Variants in MEX3A observed in about 807,000 individuals in gnomAD.
MEX3A encodes the protein RNA-binding protein MEX3A.
In MEX3A, 4 loss-of-function variants were observed where a neutral mutation model predicts 30.0. That is an observed-to-expected ratio of 0.13 (90% CI 0.07 to 0.30). MEX3A has a LOEUF of 0.30. Ranked by LOEUF, MEX3A falls within the 10% of genes least tolerant of loss-of-function variation. The pLI is 1.00. For missense variants in MEX3A, 555 were observed against 736.7 expected, an observed-to-expected ratio of 0.75 and a Z score of 2.86; for synonymous variants, 335 against 327.6, an observed-to-expected ratio of 1.02 and a Z score of -0.24.
Position 156,076,948 on chromosome 1 carries a change from T to C in MEX3A, c.1189A>G (p.Asn397Asp), listed in dbSNP as rs768768220. The C allele has an allele frequency of 6.2e-7, 1 of 1,607,180 alleles. No individual in the cohort carries two copies. The highest frequency in any genetic ancestry group is 8.5e-7 in the Non-Finnish European group (1 of 1,176,854). Residue 397 changes from asparagine (N) to aspartate (D), a missense_variant, in exon 2 of 2, where the codon AAC becomes GAC. Coordinates refer to ENST00000532414, the MANE Select transcript of MEX3A (RefSeq NM_001093725.2). The surrounding 1 kb of genome is among the most constrained non-coding windows in gnomAD (Gnocchi z 6.0). ...AAGAGCACGGAGGTGGGCGTGGCGT[T>C]CTCCTGGCCCGCCCACAGCGGGGGG... Reference protein sequence around the residue: ...TSPPLWAGQENATPTSVLFSS... With the variant: ...TSPPLWAGQEDATPTSVLFSS...
Position 156,081,830 on chromosome 1 carries a change from TG to T in MEX3A, c.168del (p.Thr57ArgfsTer70). 8.1e-7 allele frequency: 1 copy of T among 1,229,938 alleles called. No homozygotes were observed. The highest frequency in any genetic ancestry group is 1.1e-6 in the Non-Finnish European group (1 of 948,486). 76.2% of individuals were successfully genotyped at this position (1,229,938 alleles called of 1,614,324 possible). A position where few individuals can be genotyped will look rare whatever the true frequency, so the allele number is the denominator to read the frequency against. On this transcript the variant is annotated frameshift_variant, in exon 1 of 2. Coordinates refer to ENST00000532414, the MANE Select transcript of MEX3A (RefSeq NM_001093725.2). LOFTEE classifies it high-confidence loss of function. ...CLLGLGEPPA[P>X]TAGEDGGGGG... ...CCACCTCCCCCGTCCTCGCCCGCCG[TG>T]GGGGCGGGGGGCTCCCCCAAACCCA...
At position 156,077,134 on chromosome 1, in the gene MEX3A, G is replaced by C. The variant is rs1369216376; in HGVS notation, c.1003C>G (p.Arg335Gly). The change falls in exon 2 of 2, where the codon CGG (arginine) becomes GGG (glycine). Residue 335 changes from arginine (R) to glycine (G), a missense_variant. This residue lies in a region of MEX3A where 281 missense variants were observed against 265.1 expected (regional missense o/e 1.06). Transcript: ENST00000532414. The surrounding 1 kb of genome is among the most constrained non-coding windows in gnomAD (Gnocchi z 8.3). ...CCGATGCAGCCCAGGCTGTTCTGCC[G>C]GAAGGTGGAGAGGGGCTTGCAGCCG... ...QPGCKPLSTF[R>G]QNSLGCIGEC... The C allele has an allele frequency of 4.3e-6, 7 of 1,613,636 alleles. No homozygotes were observed. The highest frequency in any genetic ancestry group is 5.9e-6 in the Non-Finnish European group (7 of 1,179,840).
At position 156,073,802 on chromosome 1, in the gene MEX3A, G is replaced by C. The variant is rs866637357; in HGVS notation, c.*2772C>G. 1 of 152,550 alleles carries C rather than the reference G, an allele frequency of 6.6e-6. No homozygotes were observed. The highest frequency in any genetic ancestry group is 1.5e-5 in the Non-Finnish European group (1 of 67,998). The allele number at this position is 152,550 out of a possible 1,614,324, so 9.4% of individuals were successfully genotyped here. A position where few individuals can be genotyped will look rare whatever the true frequency, so the allele number is the denominator to read the frequency against. The stretch of plus-strand genomic sequence containing the variant: ...CTGAGGGTTCCTATAGGCCTGCTAG[G>C]CCTTAATTCTGGATTCCCCCTCCTC... On this transcript the variant is annotated 3_prime_UTR_variant, in exon 2 of 2. Coordinates refer to ENST00000532414, the MANE Select transcript of MEX3A (RefSeq NM_001093725.2).
At position 156,076,553 on chromosome 1, in the gene MEX3A, C is replaced by T. The variant is rs1648068404; in HGVS notation, c.*21G>A. The stretch of plus-strand genomic sequence containing the variant: ...AGGGTGGGCCCAGTGGAGTGGGCCC[C>T]GGAGGCATGGGGCACGGGGCTTAGG... On this transcript the variant is annotated 3_prime_UTR_variant, in exon 2 of 2. Coordinates refer to ENST00000532414, the MANE Select transcript of MEX3A (RefSeq NM_001093725.2). This position sits in a 1 kb window ranked among gnomAD's most constrained non-coding sequence, Gnocchi z 6.0. 3.1e-6 allele frequency: 5 copies of T among 1,595,302 alleles called. No individual in the cohort carries two copies. Among genetic ancestry groups the T allele is most frequent in the Admixed American group, 1.7e-5 (1 of 58,904 alleles).
Position 156,076,968 on chromosome 1 carries a change from G to C in MEX3A, c.1169C>G (p.Pro390Arg). The part of the protein sequence containing the change: ...VYYGVAETSP[P>R]LWAGQENATP... The stretch of plus-strand genomic sequence containing the variant: ...GGCGTTCTCCTGGCCCGCCCACAGC[G>C]GGGGGCTAGTCTCGGCCACGCCGTA... The change falls in exon 2 of 2, where the codon CCG (proline) becomes CGG (arginine). Residue 390 changes from proline (P) to arginine (R), a missense_variant. Around this residue, in one of 6 missense-constraint regions of MEX3A, gnomAD observed 281 missense variants for 265.1 expected, o/e 1.06. Coordinates refer to ENST00000532414, the MANE Select transcript of MEX3A (RefSeq NM_001093725.2). The surrounding 1 kb of genome is among the most constrained non-coding windows in gnomAD (Gnocchi z 6.0). 1 of 1,611,610 alleles carries C rather than the reference G, an allele frequency of 6.2e-7. No homozygotes were observed. Among genetic ancestry groups the C allele is most frequent in the Non-Finnish European group, 8.5e-7 (1 of 1,179,014 alleles).
In MEX3A at chr1:156,077,633, T is replaced by C. The variant is rs771746991; in HGVS notation, c.504A>G (p.Thr168=). 8.7e-6 allele frequency: 14 copies of C among 1,605,968 alleles called. No individual in the cohort carries two copies. The highest frequency in any genetic ancestry group is 1.1e-5 in the Non-Finnish European group (13 of 1,179,190). ...LRAKTNTYIK[T]PVRGEEPVFM... ...ACACTGGTTCCTCGCCCCTCACCGG[T>C]GTCTTGATGTAGGTGTTGGTCTTGG... Residue 168 remains threonine, a synonymous_variant, in exon 2 of 2, where the codon ACA becomes ACG. Transcript: ENST00000532414. This position sits in a 1 kb window ranked among gnomAD's most constrained non-coding sequence, Gnocchi z 8.3.
At position 156,082,017 on chromosome 1, in the gene MEX3A, GGAGAGAGAGAGGGAGA is replaced by G; in HGVS notation, c.-35_-20del. On this transcript the variant is annotated 5_prime_UTR_variant, in exon 1 of 2. Coordinates refer to ENST00000532414, the MANE Select transcript of MEX3A (RefSeq NM_001093725.2). ...TAGGCATGGCGAAACAAAAGCTGGGGGAGAGAGAGAGGGAGAGAGAGAGAGAGAGGTGGTGGAAGGG... is the reference window on the plus strand; with the variant it reads ...TAGGCATGGCGAAACAAAAGCTGGGGGAGAGAGAGAGAGGTGGTGGAAGGG... 7.0e-7 allele frequency: 1 copy of G among 1,430,072 alleles called. No homozygotes were observed. The highest frequency in any genetic ancestry group is 3.2e-5 in the East Asian group (1 of 31,108). 88.6% of individuals were successfully genotyped at this position (1,430,072 alleles called of 1,614,324 possible). A position where few individuals can be genotyped will look rare whatever the true frequency, so the allele number is the denominator to read the frequency against.
chr1:156,077,710 C>G lies in MEX3A; in HGVS notation c.455-28G>C. 6.5e-7 allele frequency: 1 copy of G among 1,543,570 alleles called. No homozygotes were observed. On this transcript the variant is annotated intron_variant, in intron 1 of 1. Coordinates refer to ENST00000532414, the MANE Select transcript of MEX3A (RefSeq NM_001093725.2). The surrounding 1 kb of genome is among the most constrained non-coding windows in gnomAD (Gnocchi z 8.3). ...GGGATAGGGCGGGGAAGGAGAGAGA[C>G]AAAGAAACGCACACAGCAAGGTTTG...
chr1:156,079,981 G>A (rs1648174521), intron 1 of MEX3A, among the ~76,000 whole-genome samples: 1 of 152,178 alleles, frequency 6.6e-6, no homozygotes, highest in South Asian at 2.1e-4. Flanking sequence ...TAACACTGCA[G>A]CAGGAGGAGG....
rs1384867473 is a variant in MEX3A, at chr1:156,076,631, G to T, written c.1506C>A (p.Asp502Glu). ...ECAVRICERT[D>E]PECPVCHITA... ...TGATGTGGCAGACGGGACACTCTGGGTCCGTCCTCTCGCAGATGCGTACTG... is the reference window on the plus strand; with the variant it reads ...TGATGTGGCAGACGGGACACTCTGGTTCCGTCCTCTCGCAGATGCGTACTG... Residue 502 changes from aspartate (D) to glutamate (E), a missense_variant, in exon 2 of 2, where the codon GAC becomes GAA. Physicochemically the swap from Asp to Glu is conservative, Grantham distance 45. Around this residue, in one of 6 missense-constraint regions of MEX3A, gnomAD observed 15 missense variants for 59.4 expected, o/e 0.25. Coordinates refer to ENST00000532414, the MANE Select transcript of MEX3A (RefSeq NM_001093725.2). This position sits in a 1 kb window ranked among gnomAD's most constrained non-coding sequence, Gnocchi z 6.0. 1.9e-6 allele frequency: 3 copies of T among 1,613,908 alleles called. No individual in the cohort carries two copies. Among genetic ancestry groups the T allele is most frequent in the Admixed American group, 3.3e-5 (2 of 60,028 alleles).
Position 156,081,807 on chromosome 1 carries a change from A to C in MEX3A, c.192T>G (p.Gly64=), listed in dbSNP as rs1010762650. The change falls in exon 1 of 2, where the codon GGT becomes GGG. Residue 64 remains glycine, a synonymous_variant. Transcript: ENST00000532414. ...GCTGCGCGGGGGCGCCGCCCCCCCC[A>C]CCTCCCCCGTCCTCGCCCGCCGTGG... ...PAPTAGEDGG[G]GGGGAPAQPA... 193 of 848,070 alleles carry C rather than the reference A, an allele frequency of 2.3e-4. No homozygotes were observed. Among genetic ancestry groups the C allele is most frequent in the East Asian group, 5.8e-4 (8 of 13,730 alleles). 52.5% of individuals were successfully genotyped at this position (848,070 alleles called of 1,614,324 possible).
chr1:156,076,587 C>T lies in MEX3A; in HGVS notation c.1550G>A (p.Arg517Gln). 1 of 1,611,742 alleles carries T rather than the reference C, an allele frequency of 6.2e-7. No individual in the cohort carries two copies. Among genetic ancestry groups the T allele is most frequent in the Non-Finnish European group, 8.5e-7 (1 of 1,178,378 alleles). Residue 517 changes from arginine (R) to glutamine (Q), a missense_variant, in exon 2 of 2, where the codon CGA (arginine) becomes CAA (glutamine). Physicochemically the swap from Arg to Gln is conservative, Grantham distance 43 (BLOSUM62 1). Around this residue, in one of 6 missense-constraint regions of MEX3A, gnomAD observed 15 missense variants for 59.4 expected, o/e 0.25. Transcript: ENST00000532414. The surrounding 1 kb of genome is among the most constrained non-coding windows in gnomAD (Gnocchi z 6.0). The stretch of plus-strand genomic sequence containing the variant: ...GGGGCACGGGGCTTAGGAGAATATT[C>T]GGATGGCTTGCGTGGCTGTGATGTG... ...VCHITATQAI[R>Q]IFS
At position 156,076,387 on chromosome 1, in the gene MEX3A, C is replaced by T; in HGVS notation, c.*187G>A. 1.7e-6 allele frequency: 1 copy of T among 589,484 alleles called. No homozygotes were observed. Among genetic ancestry groups the T allele is most frequent in the Non-Finnish European group, 2.9e-6 (1 of 347,820 alleles). 36.5% of individuals were successfully genotyped at this position (589,484 alleles called of 1,614,324 possible). A position where few individuals can be genotyped will look rare whatever the true frequency, so the allele number is the denominator to read the frequency against. ...TGGCCCCCTCCCAATCTTTCCAGGA[C>T]AGGGTGACCAGAGGCTCTGAAAGTG... On this transcript the variant is annotated 3_prime_UTR_variant, in exon 2 of 2. Transcript: ENST00000532414. This position sits in a 1 kb window ranked among gnomAD's most constrained non-coding sequence, Gnocchi z 6.0.
chr1:156,079,467 C>T (rs1388018895), intron 1 of MEX3A, among the ~76,000 whole-genome samples: 1 of 152,058 alleles, frequency 6.6e-6, no homozygotes, highest in Admixed American at 6.5e-5. Context: ...CCACCCGCCT[C>T]GGCCTCCCAA....
rs564060182 is a variant in MEX3A, at chr1:156,073,093, G to C, written c.*3481C>G. The C allele has an allele frequency of 5.2e-5, 8 of 152,730 alleles. No homozygotes were observed. Among genetic ancestry groups the C allele is most frequent in the Admixed American group, 4.6e-4 (7 of 15,304 alleles). The allele number at this position is 152,730 out of a possible 1,614,324, so 9.5% of individuals were successfully genotyped here. ...GTCTGTTTGTGGAATGACTTCCCAGGCTCTTAAATCAATCTGTAGAGAAGT... is the reference window on the plus strand; with the variant it reads ...GTCTGTTTGTGGAATGACTTCCCAGCCTCTTAAATCAATCTGTAGAGAAGT... On this transcript the variant is annotated 3_prime_UTR_variant, in exon 2 of 2. Transcript: ENST00000532414.
In MEX3A at chr1:156,075,306, G is replaced by C. The variant is rs1648025438; in HGVS notation, c.*1268C>G. 1 of 152,332 alleles carries C rather than the reference G, an allele frequency of 6.6e-6. No individual in the cohort carries two copies. Among genetic ancestry groups the C allele is most frequent in the African/African-American group, 2.4e-5 (1 of 41,422 alleles). The allele number at this position is 152,332 out of a possible 1,614,324, so 9.4% of individuals were successfully genotyped here. On this transcript the variant is annotated 3_prime_UTR_variant, in exon 2 of 2. Transcript: ENST00000532414. ...ATAAAGGTTCAGGTCAGGTTGAGAGGGGTGCAGGGAGTCGGGCACTGCATG... is the reference window on the plus strand; with the variant it reads ...ATAAAGGTTCAGGTCAGGTTGAGAGCGGTGCAGGGAGTCGGGCACTGCATG...
In MEX3A at chr1:156,077,651, G is replaced by A; in HGVS notation, c.486C>T (p.Thr162=). The change falls in exon 2 of 2, where the codon ACC becomes ACT. Residue 162 remains threonine (T), a synonymous_variant. Transcript: ENST00000532414. This position sits in a 1 kb window ranked among gnomAD's most constrained non-coding sequence, Gnocchi z 8.3. ...GCKIKALRAK[T]NTYIKTPVRG... is the part of the protein sequence containing the mutation. ...TCACCGGTGTCTTGATGTAGGTGTT[G>A]GTCTTGGCCCTCAAGGCCTTAATCT... is the stretch of plus-strand genomic sequence containing the variant. 1 of 1,600,212 alleles carries A rather than the reference G, an allele frequency of 6.2e-7. No individual in the cohort carries two copies. Among genetic ancestry groups the A allele is most frequent in the East Asian group, 2.2e-5 (1 of 44,782 alleles).
rs1247996352 is a variant in MEX3A at position 156,073,002 on chromosome 1, G to A, written c.*3572C>T. On this transcript the variant is annotated 3_prime_UTR_variant, in exon 2 of 2. Coordinates refer to ENST00000532414, the MANE Select transcript of MEX3A (RefSeq NM_001093725.2). ...CTAAGTGGAAAGCTGGATGGGAACAGGGGTAGGGGACTGATCGCCTCAGTG... is the reference window on the plus strand; with the variant it reads ...CTAAGTGGAAAGCTGGATGGGAACAAGGGTAGGGGACTGATCGCCTCAGTG... The A allele has an allele frequency of 1.3e-5, 2 of 152,442 alleles. No homozygotes were observed. The highest frequency in any genetic ancestry group is 4.1e-4 in the South Asian group (2 of 4,832). The allele number at this position is 152,442 out of a possible 1,614,324, so 9.4% of individuals were successfully genotyped here.
rs1359217725 is a variant in MEX3A, at chr1:156,074,332, C to T, written c.*2242G>A. Reference sequence around the variant, plus strand: ...AAAAGTCTTTTTTTTTCATATTAGCCCAGGTTCTTTGCTACATTTATATGG... The same window carrying T: ...AAAAGTCTTTTTTTTTCATATTAGCTCAGGTTCTTTGCTACATTTATATGG... On this transcript the variant is annotated 3_prime_UTR_variant, in exon 2 of 2. Coordinates refer to ENST00000532414, the MANE Select transcript of MEX3A (RefSeq NM_001093725.2). The T allele has an allele frequency of 6.6e-6, 1 of 150,834 alleles. No individual in the cohort carries two copies. Among genetic ancestry groups the T allele is most frequent in the Non-Finnish European group, 1.5e-5 (1 of 67,720 alleles). 9.3% of individuals were successfully genotyped at this position (150,834 alleles called of 1,614,324 possible).
Sources: gnomAD v4.1 joint callset for allele counts (sites outside exome capture counted in the v4.1 genomes callset) on GRCh38, gnomAD v4.1.1 for gene constraint, gnomAD v4.1.1 regional missense constraint, Gnocchi (gnomAD v3.1) non-coding constraint, MANE v1.5 for transcripts, NCBI Gene and HGNC (gene_info 2026-07-23, HGNC 2026-07-21) for gene names.